The following NCK2 variants were observed in gnomAD, a reference collection of about 807,000 sequenced individuals.
The protein encoded by NCK2 is NCK adaptor protein 2.
In NCK2, 16 loss-of-function variants were observed where a neutral mutation model predicts 33.9. The observed-to-expected ratio is 0.47, with a 90% CI of 0.32 to 0.72. The LOEUF (loss-of-function observed/expected upper bound fraction) is 0.72, where lower values mean the gene tolerates loss of function less well. Among genes scored for constraint, NCK2 ranks in the 30% least tolerant of loss-of-function variants. NCK2 has a pLI of 0.03. For synonymous variants in NCK2, 273 were observed against 239.9 expected (o/e 1.14, Z -1.27); for missense variants, 418 against 537.3 (o/e 0.78, Z 2.19).
chr2:105,770,132 A>G (rs1342960032), intron 1 of NCK2, among the ~76,000 whole-genome samples: 1 of 151,890 alleles, frequency 6.6e-6, no homozygotes, highest in African/African-American at 2.4e-5. Context: ...AGTAAAAAAA[A>G]AAAAAAAAAA....
At chr2:105,777,647 G>A (rs1316458744) in intron 1 of NCK2, among the ~76,000 whole-genome samples, 1 of 152,174 alleles carries the variant, frequency 6.6e-6, no homozygotes, top group Non-Finnish European at 1.5e-5. Flanking sequence ...TGTTCTCCGG[G>A]TAACAGTCTG....
intron 1 of NCK2, among the ~76,000 whole-genome samples, chr2:105,804,490 T>G (rs779281957): frequency 3.3e-5 from 5 of 152,232 alleles, no homozygotes; most frequent in Admixed American, 6.5e-5. Flanking sequence ...GATTTCCACT[T>G]TGAGCTCAGC....
intron 1 of NCK2, among the ~76,000 whole-genome samples, chr2:105,789,038 C>T (rs374968274): frequency 1.3e-5 from 2 of 152,166 alleles, no homozygotes; most frequent in East Asian, 1.9e-4. Context: ...CCCCTCCTCC[C>T]GATGCCCGCA....
At chr2:105,857,442 C>G (rs988988016) in intron 3 of NCK2, among the ~76,000 whole-genome samples, 1 of 152,230 alleles carries the variant, frequency 6.6e-6, no homozygotes, top group Non-Finnish European at 1.5e-5. Context: ...AAAGCTCTTC[C>G]TTAAATAGAA....
chr2:105,781,953 A>G (rs1257939297), intron 1 of NCK2, among the ~76,000 whole-genome samples: 1 of 152,178 alleles, frequency 6.6e-6, no homozygotes, highest in African/African-American at 2.4e-5. Flanking sequence ...TACAGCTGTC[A>G]GTTTCTTGAC....
intron 3 of NCK2, among the ~76,000 whole-genome samples, chr2:105,862,026 C>G (rs1677560846): frequency 6.6e-6 from 1 of 151,036 alleles, no homozygotes; most frequent in Non-Finnish European, 1.5e-5. Flanking sequence ...TAAACTGCAA[C>G]CAGGGAAGGC....
intron 4 of NCK2, among the ~76,000 whole-genome samples, chr2:105,886,214 T>A (rs1273458627): frequency 6.6e-6 from 1 of 152,252 alleles, no homozygotes; most frequent in African/African-American, 2.4e-5. Flanking sequence ...TGGATTTTTG[T>A]AATAGTTCTA....
At chr2:105,771,544 G>A (rs1483273745) in intron 1 of NCK2, among the ~76,000 whole-genome samples, 2 of 152,142 alleles carry the variant, frequency 1.3e-5, no homozygotes, top group African/African-American at 2.4e-5. Flanking sequence ...CAGCCTGGGC[G>A]ACAAGAGTGG....
At chr2:105,873,035 G>A (rs532337342) in intron 3 of NCK2, among the ~76,000 whole-genome samples, 1 of 152,310 alleles carries the variant, frequency 6.6e-6, no homozygotes, top group African/African-American at 2.4e-5. Flanking sequence ...CGGCTGCCAG[G>A]AAAGGTCACT....
chr2:105,842,788 C>T (rs1202836821), intron 2 of NCK2, among the ~76,000 whole-genome samples: 4 of 150,960 alleles, frequency 2.6e-5, no homozygotes, highest in Non-Finnish European at 4.4e-5. Flanking sequence ...GAGGTGGGGA[C>T]GGGACCCAGC....
chr2:105,780,608 C>G (rs1690460961), intron 1 of NCK2, among the ~76,000 whole-genome samples: 1 of 152,130 alleles, frequency 6.6e-6, no homozygotes, highest in African/African-American at 2.4e-5. Context: ...AGTCAGAGCC[C>G]CTGGTCACTG....
intron 1 of NCK2, among the ~76,000 whole-genome samples, chr2:105,774,373 C>T (rs1210504404): frequency 6.6e-6 from 1 of 152,122 alleles, no homozygotes; most frequent in African/African-American, 2.4e-5. Flanking sequence ...TGAGCCCTTA[C>T]AGCAAGCCTT....
At chr2:105,789,464 C>G (rs187020989) in intron 1 of NCK2, among the ~76,000 whole-genome samples, 1 of 152,300 alleles carries the variant, frequency 6.6e-6, no homozygotes, top group African/African-American at 2.4e-5. Flanking sequence ...GCTGGGCTTA[C>G]AGGCATGAGC....
chr2:105,839,180 A>G (rs1354611950), intron 2 of NCK2, among the ~76,000 whole-genome samples: 3 of 152,238 alleles, frequency 2.0e-5, no homozygotes, highest in Non-Finnish European at 4.4e-5. Context: ...GGTGAGAATC[A>G]GAGTTTGGAA....
intron 2 of NCK2, among the ~76,000 whole-genome samples, chr2:105,823,495 A>G (rs1297804447): frequency 6.6e-6 from 1 of 151,930 alleles, no homozygotes; most frequent in African/African-American, 2.4e-5. Flanking sequence ...TAACGTTGAA[A>G]TGGTTTCTTT....
At chr2:105,857,928 G>A (rs1163340271) in intron 3 of NCK2, among the ~76,000 whole-genome samples, 1 of 152,190 alleles carries the variant, frequency 6.6e-6, no homozygotes, top group Admixed American at 6.5e-5. Flanking sequence ...TCTGTGCAAA[G>A]CTTATAGATG....
At chr2:105,888,182 A>C (rs903039652) in intron 4 of NCK2, among the ~76,000 whole-genome samples, 3 of 152,168 alleles carry the variant, frequency 2.0e-5, no homozygotes, top group African/African-American at 7.2e-5. Flanking sequence ...TCCACTTGGA[A>C]AATGACTTCT....
At chr2:105,822,737 C>T (rs575563935) in intron 2 of NCK2, among the ~76,000 whole-genome samples, 1 of 152,090 alleles carries the variant, frequency 6.6e-6, no homozygotes, top group South Asian at 2.1e-4. Context: ...CATAACATTC[C>T]ATTCATTTTT....
intron 2 of NCK2, among the ~76,000 whole-genome samples, chr2:105,830,670 GGTGTGTGTGTGTGT>G (rs56220635): frequency 0.013 from 1,297 of 99,042 alleles, 10 homozygotes; most frequent in Admixed American, 0.022. Context: ...CCAGGAATTT[GGTGTGTGTGTGTGT>G]GTGTGTGTGT....
Sources: gnomAD v4.1 joint callset for allele counts (sites outside exome capture counted in the v4.1 genomes callset) on GRCh38, gnomAD v4.1.1 for gene constraint, MANE v1.5 for transcripts, NCBI Gene and HGNC (gene_info 2026-07-23, HGNC 2026-07-21) for gene names.